The following XNDC1N variants were observed in gnomAD, a reference collection of about 807,000 sequenced individuals.
XNDC1N encodes the protein XRCC1 N-terminal domain containing 1, N-terminal like.
At chr11:71,875,233 A>G in the XNDC1N span, among the ~76,000 whole-genome samples, 135 of 152,188 alleles carry the variant, frequency 8.9e-4, no homozygotes, top group Middle Eastern at 3.4e-3. Context: ...TTTATAATAA[A>G]GTAATACTTA....
At chr11:71,908,703 T>C in the XNDC1N span, among the ~76,000 whole-genome samples, 1 of 152,202 alleles carries the variant, frequency 6.6e-6, no homozygotes, top group African/African-American at 2.4e-5. Context: ...TGCTCCAAGC[T>C]GTTATCCAGA....
chr11:71,918,473 G>C, the XNDC1N span, among the ~76,000 whole-genome samples: 4,896 of 152,090 alleles, frequency 0.032, 76 homozygotes, highest in East Asian at 0.08. Flanking sequence ...GTAGAGACAG[G>C]ATTTTGCCAT....
chr11:71,871,612 A>T, the XNDC1N span, among the ~76,000 whole-genome samples: 1 of 152,230 alleles, frequency 6.6e-6, no homozygotes, highest in African/African-American at 2.4e-5. Flanking sequence ...TTCATAAATC[A>T]TAACATCACT....
At chr11:71,879,177 C>T in the XNDC1N span, among the ~76,000 whole-genome samples, 1 of 152,146 alleles carries the variant, frequency 6.6e-6, no homozygotes, top group Non-Finnish European at 1.5e-5. Context: ...CCTTGGTTCA[C>T]AGGATAAATT....
the XNDC1N span, among the ~76,000 whole-genome samples, chr11:71,886,371 G>C: frequency 6.6e-6 from 1 of 152,100 alleles, no homozygotes; most frequent in Non-Finnish European, 1.5e-5. Flanking sequence ...TGCACCAGCT[G>C]ATTATCAAAA....
the XNDC1N span, among the ~76,000 whole-genome samples, chr11:71,899,161 C>A: frequency 2.0e-5 from 3 of 152,112 alleles, no homozygotes; most frequent in Non-Finnish European, 4.4e-5. Flanking sequence ...CCCCCCAGGC[C>A]ACAGAATAGT....
the XNDC1N span, among the ~76,000 whole-genome samples, chr11:71,898,010 CTG>C: frequency 6.6e-6 from 1 of 152,064 alleles, no homozygotes; most frequent in Non-Finnish European, 1.5e-5. Flanking sequence ...TGGTGAAACC[CTG>C]TCTCTACTGA....
At chr11:71,895,475 A>AATTTT in the XNDC1N span, among the ~76,000 whole-genome samples, 1 of 98,354 alleles carries the variant, frequency 1.0e-5, no homozygotes, top group South Asian at 3.7e-4. Flanking sequence ...ATGCCTGGCT[A>AATTTT]TTTTTTTTTT....
At chr11:71,915,706 T>C in the XNDC1N span, among the ~76,000 whole-genome samples, 1 of 47,124 alleles carries the variant, frequency 2.1e-5, no homozygotes, top group Non-Finnish European at 1.3e-4. Flanking sequence ...CACGGGAGCT[T>C]TGGGACTTAC....
chr11:71,928,393 G>A, the XNDC1N span: 2 of 687,742 alleles, frequency 2.9e-6, no homozygotes, highest in East Asian at 2.7e-5. Context: ...AGGAGCCACC[G>A]TTGCCTCGGA....
the XNDC1N span, chr11:71,914,543 C>T: frequency 6.4e-5 from 23 of 358,422 alleles, no homozygotes; most frequent in African/African-American, 4.7e-4. Context: ...AAAAATTAGC[C>T]AGGTGTGGTG....
At chr11:71,869,477 A>G in the XNDC1N span, among the ~76,000 whole-genome samples, 2,510 of 152,246 alleles carry the variant, frequency 0.016, 63 homozygotes, top group African/African-American at 0.057. Context: ...GTTGGTTCCA[A>G]GTCTTGCTAT....
At chr11:71,902,817 A>G in the XNDC1N span, among the ~76,000 whole-genome samples, 3 of 152,234 alleles carry the variant, frequency 2.0e-5, no homozygotes, top group African/African-American at 7.2e-5. Flanking sequence ...AATTAGGATA[A>G]CCTTTTTCTT....
At chr11:71,923,329 CA>C in the XNDC1N span, 1 of 702,996 alleles carries the variant, frequency 1.4e-6, no homozygotes, top group African/African-American at 1.7e-5. Flanking sequence ...AATGATACCA[CA>C]TGGCTGATCT....
the XNDC1N span, among the ~76,000 whole-genome samples, chr11:71,895,966 C>T: frequency 1.3e-5 from 2 of 152,286 alleles, no homozygotes; most frequent in Admixed American, 6.5e-5. Context: ...CATGTCCTCA[C>T]TTCTATGTAG....
chr11:71,911,240 GA>G, the XNDC1N span, among the ~76,000 whole-genome samples: 1 of 152,224 alleles, frequency 6.6e-6, no homozygotes, highest in Non-Finnish European at 1.5e-5. Flanking sequence ...ATTGGCTAAC[GA>G]ATGCCAGACT....
At chr11:71,879,532 A>T in the XNDC1N span, among the ~76,000 whole-genome samples, 1 of 152,144 alleles carries the variant, frequency 6.6e-6, no homozygotes, top group Admixed American at 6.5e-5. Context: ...ATAATACTTC[A>T]TGATTCAAGA....
chr11:71,866,361 T>A, the XNDC1N span, among the ~76,000 whole-genome samples: 1 of 152,166 alleles, frequency 6.6e-6, no homozygotes, highest in African/African-American at 2.4e-5. Flanking sequence ...CTTGACTATA[T>A]CTTCTGGAGA....
the XNDC1N span, chr11:71,884,251 C>A: frequency 1.2e-6 from 1 of 820,364 alleles, no homozygotes; most frequent in Non-Finnish European, 1.8e-6. Flanking sequence ...TGTCTTTATT[C>A]AGCATCTCCA....
Sources: allele counts gnomAD v4.1 joint callset (sites outside exome capture counted in the v4.1 genomes callset), GRCh38; gene constraint gnomAD v4.1.1; transcripts MANE v1.5; gene names NCBI Gene and HGNC (gene_info 2026-07-23, HGNC 2026-07-21).